The following ITSN1 variants were observed in gnomAD, a reference collection of about 807,000 sequenced individuals.
ITSN1 encodes the protein intersectin 1.
A neutral mutation model predicts 239.8 loss-of-function variants in ITSN1; 58 were observed. The observed-to-expected ratio is 0.24, with a 90% CI of 0.20 to 0.30. ITSN1 has a LOEUF of 0.30. Among genes scored for constraint, ITSN1 ranks in the 10% least tolerant of loss-of-function variants. The pLI is 1.00. For synonymous variants in ITSN1, 780 were observed against 770.8 expected (o/e 1.01, Z -0.20); for missense variants, 1,558 against 2,103.3 (o/e 0.74, Z 5.07).
intron 1 of ITSN1, among the ~76,000 whole-genome samples, chr21:33,692,290 G>A (rs891668276): frequency 6.6e-6 from 1 of 152,122 alleles, no homozygotes; most frequent in African/African-American, 2.4e-5. Context: ...AGCAACTCAC[G>A]AGGTCCGTAC....
intron 29 of ITSN1, among the ~76,000 whole-genome samples, chr21:33,845,159 A>G (rs902393668): frequency 6.6e-6 from 1 of 151,950 alleles, no homozygotes; most frequent in African/African-American, 2.4e-5. Flanking sequence ...GGTTCCAGCT[A>G]GTGAAGGATG....
chr21:33,843,627 G>A (rs1569293010), intron 29 of ITSN1, among the ~76,000 whole-genome samples: 1 of 152,132 alleles, frequency 6.6e-6, no homozygotes, highest in Non-Finnish European at 1.5e-5. Context: ...CATCATTTTG[G>A]AACATTCTAT....
chr21:33,861,815 G>A lies in ITSN1; in HGVS notation c.3890+3023G>A, dbSNP rs370820238. On this transcript the variant is annotated intron_variant, in intron 31 of 39. Coordinates refer to ENST00000381318, the MANE Select transcript of ITSN1 (RefSeq NM_003024.3). ...CAAAAAAATAGCCAGGCGTGGTGGC[G>A]GGCGCCTGTAGTCCCAGCTACTCGG... is the stretch of plus-strand genomic sequence containing the variant. 4.1e-4 allele frequency among the ~76,000 whole-genome samples: 63 copies of A among 151,902 alleles called. No homozygotes were observed. In the East Asian group the frequency reaches 0.011, roughly 26 times the overall value.
chr21:33,689,630 C>T (rs1260580880), intron 1 of ITSN1, among the ~76,000 whole-genome samples: 1 of 152,114 alleles, frequency 6.6e-6, no homozygotes. Context: ...GAGCTATGAT[C>T]GCACCACTGT....
intron 23 of ITSN1, among the ~76,000 whole-genome samples, chr21:33,818,694 GC>G (rs1262405060): frequency 6.6e-6 from 1 of 152,114 alleles, no homozygotes; most frequent in Non-Finnish European, 1.5e-5. Flanking sequence ...GTTTTTCATT[GC>G]CTTATGCAAG....
At chr21:33,679,458 G>T (rs1443788152) in intron 1 of ITSN1, among the ~76,000 whole-genome samples, 9 of 152,126 alleles carry the variant, frequency 5.9e-5, no homozygotes, top group Non-Finnish European at 1.3e-4. Flanking sequence ...ATGCATCTCA[G>T]TTGTATTTTA....
chr21:33,795,626 A>G (rs1357902394), intron 17 of ITSN1, among the ~76,000 whole-genome samples: 2 of 151,816 alleles, frequency 1.3e-5, no homozygotes, highest in African/African-American at 2.4e-5. Context: ...AATTTACAGG[A>G]TTGTTTTATG....
chr21:33,784,310 AACACACACACACACACAC>A (rs58496273), intron 16 of ITSN1, among the ~76,000 whole-genome samples: 27 of 134,210 alleles, frequency 2.0e-4, no homozygotes, highest in Admixed American at 1.3e-3. Context: ...GTCTCTACAA[AACACACACACACACACAC>A]ACACACACAC....
chr21:33,772,150 A>G lies in ITSN1; in HGVS notation c.1132A>G (p.Lys378Glu). Residue 378 changes from lysine to glutamate, a missense_variant, in exon 12 of 40, where the codon AAG becomes GAG. Physicochemically the swap from Lys to Glu is moderately conservative, Grantham distance 56. Around this residue, in one of 2 missense-constraint regions of ITSN1, gnomAD observed 982 missense variants for 1,209.9 expected, o/e 0.81. Coordinates refer to ENST00000381318, the MANE Select transcript of ITSN1 (RefSeq NM_003024.3). ...RRQALLEQQRKEQERLAQLER... is the reference protein window; with the variant it reads ...RRQALLEQQREEQERLAQLER... The stretch of plus-strand genomic sequence containing the variant: ...GCAAGCTCTCCTGGAACAGCAGCGC[A>G]AGGAGCAGGAGCGCCTGGCCCAGCT... 1 of 1,614,232 alleles carries G rather than the reference A, an allele frequency of 6.2e-7. No individual in the cohort carries two copies. Among genetic ancestry groups the G allele is most frequent in the Non-Finnish European group, 8.5e-7 (1 of 1,180,030 alleles).
At chr21:33,650,162 TG>T (rs1191394903) in intron 1 of ITSN1, among the ~76,000 whole-genome samples, 2 of 152,222 alleles carry the variant, frequency 1.3e-5, no homozygotes, top group Non-Finnish European at 2.9e-5. Flanking sequence ...CTTGCTCCTC[TG>T]TTGCACTGGT....
At chr21:33,864,613 A>G (rs1460581495) in intron 31 of ITSN1, among the ~76,000 whole-genome samples, 1 of 152,254 alleles carries the variant, frequency 6.6e-6, no homozygotes, top group Non-Finnish European at 1.5e-5. Flanking sequence ...AGCTCTAGCA[A>G]TGAAGCAGCG....
chr21:33,767,721 G>C lies in ITSN1; in HGVS notation c.935G>C (p.Arg312Pro). The change falls in exon 11 of 40, where the codon CGA becomes CCA. Residue 312 changes from arginine (R) to proline (P), a missense_variant. Physicochemically the swap from Arg to Pro is moderately radical, Grantham distance 103. Around this residue, in one of 2 missense-constraint regions of ITSN1, gnomAD observed 982 missense variants for 1,209.9 expected, o/e 0.81. Coordinates refer to ENST00000381318, the MANE Select transcript of ITSN1 (RefSeq NM_003024.3). ...EYIPPSFRRV[R>P]SGSGISVISS... is the part of the protein sequence containing the mutation. ...TTTCCCCGCAATTGCAGAAGAGTTC[G>C]ATCTGGCAGTGGTATATCTGTCATA... 6.2e-7 allele frequency: 1 copy of C among 1,600,312 alleles called. No individual in the cohort carries two copies. Among genetic ancestry groups the C allele is most frequent in the Non-Finnish European group, 8.5e-7 (1 of 1,171,184 alleles).
chr21:33,671,846 C>T (rs868424858), intron 1 of ITSN1, among the ~76,000 whole-genome samples: 2 of 152,022 alleles, frequency 1.3e-5, no homozygotes, highest in South Asian at 2.1e-4. Context: ...TGAATCTCAC[C>T]GTTAATCAGT....
At chr21:33,767,224 T>C (rs1313736246) in intron 10 of ITSN1, among the ~76,000 whole-genome samples, 1 of 152,032 alleles carries the variant, frequency 6.6e-6, no homozygotes, top group African/African-American at 2.4e-5. Context: ...AAGTGTAAAG[T>C]GGAAGAAATT....
intron 16 of ITSN1, among the ~76,000 whole-genome samples, chr21:33,785,124 G>A (rs777095666): frequency 6.6e-6 from 1 of 152,184 alleles, no homozygotes; most frequent in African/African-American, 2.4e-5. Flanking sequence ...AGGAAATGCA[G>A]TTCCCTCATT....
intron 20 of ITSN1, among the ~76,000 whole-genome samples, chr21:33,807,607 A>G (rs2072560024): frequency 6.6e-6 from 1 of 151,914 alleles, no homozygotes; most frequent in South Asian, 2.1e-4. Context: ...TACAGGAGTG[A>G]GCCACTGCAC....
In ITSN1 at chr21:33,865,489, C is replaced by T. The variant is rs1441172264; in HGVS notation, c.4074+155C>T. On this transcript the variant is annotated intron_variant, in intron 32 of 39. Transcript: ENST00000381318. The surrounding 1 kb of genome is among the most constrained non-coding windows in gnomAD (Gnocchi z 4.4). ...CTAAGCCTTAGGGGACTGGCACTCA[C>T]TGGCAAGTGTGGCTGTCACCAAAGG... Among the ~76,000 whole-genome samples, 1 of 152,192 alleles carries T rather than the reference C, an allele frequency of 6.6e-6. No individual in the cohort carries two copies. The highest frequency in any genetic ancestry group is 2.4e-5 in the African/African-American group (1 of 41,450).
intron 21 of ITSN1, among the ~76,000 whole-genome samples, chr21:33,813,067 G>A (rs555275074): frequency 6.6e-6 from 1 of 152,216 alleles, no homozygotes; most frequent in Non-Finnish European, 1.5e-5. Flanking sequence ...CAGTTACAGA[G>A]TATTTCCCTA....
At chr21:33,711,739 T>C (rs2092424789) in intron 1 of ITSN1, among the ~76,000 whole-genome samples, 1 of 151,902 alleles carries the variant, frequency 6.6e-6, no homozygotes, top group Admixed American at 6.6e-5. Context: ...CCTTTTATTA[T>C]CAGCTTAGAG....
Sources: allele counts gnomAD v4.1 joint callset (sites outside exome capture counted in the v4.1 genomes callset), GRCh38; gene constraint gnomAD v4.1.1; regional missense constraint gnomAD v4.1.1; non-coding constraint Gnocchi (gnomAD v3.1); transcripts MANE v1.5; gene names NCBI Gene and HGNC (gene_info 2026-07-23, HGNC 2026-07-21).